KLF12: variants seen among roughly 807,000 people sequenced by gnomAD.
The protein encoded by KLF12 is Krueppel-like factor 12.
Under a neutral mutation model 37.8 loss-of-function variants are expected in KLF12, and 9 were observed. The observed-to-expected ratio is 0.24, with a 90% CI of 0.14 to 0.42. The LOEUF is 0.42. KLF12 is among the 10% of genes least tolerant of loss of function. The pLI, the probability that KLF12 is intolerant of heterozygous loss-of-function variation, is 1.00. For synonymous variants in KLF12, 208 were observed against 202.1 expected, an observed-to-expected ratio of 1.03 and a Z score of -0.25; for missense variants, 411 against 516.0, an observed-to-expected ratio of 0.80 and a Z score of 1.97.
intron 3 of KLF12, among the ~76,000 whole-genome samples, chr13:73,867,524 A>C (rs1886236992): frequency 6.6e-6 from 1 of 152,100 alleles, no homozygotes. Context: ...ACAAGCCTAC[A>C]AATATAGTGT....
chr13:74,112,939 C>T lies in KLF12; in HGVS notation c.-32+20800G>A, dbSNP rs1436977883. ...TTCCAGAAGAAAATTGAAAGTGTTA[C>T]TCCATCAAAAACATGAATAAGAAAA... On this transcript the variant is annotated intron_variant, in intron 1 of 7. Coordinates refer to ENST00000377669, the MANE Select transcript of KLF12 (RefSeq NM_007249.5). 4.6e-5 allele frequency among the ~76,000 whole-genome samples: 7 copies of T among 152,260 alleles called. No homozygotes were observed. In the South Asian group the frequency reaches 1.5e-3, roughly 32 times the overall value.
chr13:74,272,430 G>A, the KLF12 span, among the ~76,000 whole-genome samples: 8 of 152,158 alleles, frequency 5.3e-5, no homozygotes, highest in South Asian at 2.1e-4. Flanking sequence ...TTGAGAACCC[G>A]CAGTGCTACT....
chr13:74,171,607 T>G, the KLF12 span, among the ~76,000 whole-genome samples: 1 of 152,148 alleles, frequency 6.6e-6, no homozygotes, highest in Non-Finnish European at 1.5e-5. Flanking sequence ...ATATAAAAAG[T>G]CAATGTATTA....
At chr13:73,980,635 T>C (rs546640833) in intron 2 of KLF12, among the ~76,000 whole-genome samples, 1 of 152,244 alleles carries the variant, frequency 6.6e-6, no homozygotes, top group Admixed American at 6.5e-5. Flanking sequence ...CCATCATCCC[T>C]ACCAAAAAAG....
intron 1 of KLF12, among the ~76,000 whole-genome samples, chr13:74,058,089 C>T (rs757745659): frequency 2.6e-4 from 39 of 151,558 alleles, no homozygotes; most frequent in Admixed American, 3.9e-4. Flanking sequence ...ACCGCAGCCT[C>T]CCGGGTAGCT....
At chr13:74,177,576 G>A in the KLF12 span, among the ~76,000 whole-genome samples, 1 of 151,972 alleles carries the variant, frequency 6.6e-6, no homozygotes, top group Non-Finnish European at 1.5e-5. Context: ...TAAGTTATGG[G>A]AAGTCACTTT....
At chr13:73,710,631 T>C (rs1157153226) in intron 7 of KLF12, among the ~76,000 whole-genome samples, 1 of 152,218 alleles carries the variant, frequency 6.6e-6, no homozygotes, top group Non-Finnish European at 1.5e-5. Flanking sequence ...CGATGAACTG[T>C]ACCCAAGACG....
intron 1 of KLF12, among the ~76,000 whole-genome samples, chr13:74,002,808 T>C (rs1892315188): frequency 6.6e-6 from 1 of 152,244 alleles, no homozygotes; most frequent in African/African-American, 2.4e-5. Context: ...GCACATTACA[T>C]GGCAAACACA....
chr13:74,060,494 G>C (rs1022975609), intron 1 of KLF12, among the ~76,000 whole-genome samples: 22 of 126,170 alleles, frequency 1.7e-4, no homozygotes, highest in African/African-American at 6.1e-4. Flanking sequence ...TTGTGTGTGT[G>C]TGTGTGTGTG....
At chr13:74,246,086 G>A in the KLF12 span, among the ~76,000 whole-genome samples, 4 of 152,198 alleles carry the variant, frequency 2.6e-5, no homozygotes, top group Admixed American at 2.0e-4. Context: ...ACCCAAGTGT[G>A]CCTTCCCCAA....
intron 1 of KLF12, among the ~76,000 whole-genome samples, chr13:74,080,645 G>C (rs999231790): frequency 6.6e-6 from 1 of 152,212 alleles, no homozygotes; most frequent in South Asian, 2.1e-4. Context: ...TTTCTAAAAA[G>C]CTTCCCAGGA....
intron 3 of KLF12, among the ~76,000 whole-genome samples, chr13:73,916,208 TACACACACAC>T (rs67011700): frequency 8.2e-5 from 9 of 109,872 alleles, no homozygotes; most frequent in African/African-American, 2.5e-4. Context: ...AGCTAATACT[TACACACACAC>T]ACACACACAC....
the KLF12 span, among the ~76,000 whole-genome samples, chr13:74,144,817 T>C: frequency 6.6e-6 from 1 of 152,136 alleles, no homozygotes; most frequent in South Asian, 2.1e-4. Flanking sequence ...CAAATCCTCA[T>C]CAATTATTAA....
intron 5 of KLF12, chr13:73,800,767 G>T (rs1170636097): frequency 6.6e-6 from 1 of 151,892 alleles, no homozygotes; most frequent in Non-Finnish European, 1.5e-5. Context: ...TTTTCCATAA[G>T]TACAGATAAA....
intron 1 of KLF12, among the ~76,000 whole-genome samples, chr13:74,087,636 C>G (rs1396161383): frequency 6.6e-6 from 1 of 152,176 alleles, no homozygotes; most frequent in Non-Finnish European, 1.5e-5. Context: ...GATCAGGTTT[C>G]TAGCCCCAGC....
At chr13:74,144,031 G>C in the KLF12 span, among the ~76,000 whole-genome samples, 1 of 152,284 alleles carries the variant, frequency 6.6e-6, no homozygotes, top group East Asian at 1.9e-4. Flanking sequence ...CAGTCTGTCT[G>C]TGTCTGCAGC....
the KLF12 span, among the ~76,000 whole-genome samples, chr13:74,197,572 T>A: frequency 6.6e-6 from 1 of 152,160 alleles, no homozygotes; most frequent in African/African-American, 2.4e-5. Context: ...AGTGATACTT[T>A]TGGTTCTATA....
intron 4 of KLF12, among the ~76,000 whole-genome samples, chr13:73,824,227 G>A (rs150959856): frequency 7.2e-5 from 11 of 152,160 alleles, no homozygotes; most frequent in African/African-American, 2.2e-4. Flanking sequence ...AAGAGTTACT[G>A]TGCGGGCCAC....
chr13:74,143,746 C>A, the KLF12 span, among the ~76,000 whole-genome samples: 1 of 152,142 alleles, frequency 6.6e-6, no homozygotes, highest in Non-Finnish European at 1.5e-5. Context: ...AAGGGATATG[C>A]ATTCAGTAGA....
Sources: allele counts gnomAD v4.1 joint callset (sites outside exome capture counted in the v4.1 genomes callset), GRCh38; gene constraint gnomAD v4.1.1; transcripts MANE v1.5; gene names NCBI Gene and HGNC (gene_info 2026-07-23, HGNC 2026-07-21).